FARP2: variants seen among roughly 807,000 people sequenced by gnomAD.
The protein encoded by FARP2 is FERM, ARHGEF and pleckstrin domain-containing protein 2.
FARP2 carries 111 observed loss-of-function variants against 130.5 expected under a neutral mutation model. The observed-to-expected ratio is 0.85, with a 90% CI of 0.73 to 1.00. FARP2 has a LOEUF of 1.00. Ranked by LOEUF, FARP2 falls within the 50% of genes least tolerant of loss-of-function variation. The probability of loss-of-function intolerance (pLI) is 0.00; values close to 1 mark genes in which losing one functional copy is unlikely to be tolerated. For synonymous variants in FARP2, 504 were observed against 516.9 expected (o/e 0.98, Z 0.34); for missense variants, 1,385 against 1,346.3 (o/e 1.03, Z -0.45).
chr2:241,458,062 G>T (rs1415468382), intron 14 of FARP2, among the ~76,000 whole-genome samples: 1 of 152,176 alleles, frequency 6.6e-6, no homozygotes, highest in Admixed American at 6.5e-5. Flanking sequence ...CTGCTGGCAG[G>T]CACAGGGCAA....
intron 18 of FARP2, chr2:241,471,234 C>G (rs547015953): frequency 6.7e-6 from 1 of 149,712 alleles, no homozygotes; most frequent in East Asian, 2.0e-4. Context: ...GGACCCTGTT[C>G]CGAGTGGGAT....
At chr2:241,481,234 AT>A (rs1024248630) in intron 19 of FARP2, among the ~76,000 whole-genome samples, 3 of 152,196 alleles carry the variant, frequency 2.0e-5, no homozygotes, top group Non-Finnish European at 4.4e-5. Context: ...AAACAAAAAA[AT>A]AAATGGACTG....
rs971123663 is a variant in FARP2 at position 241,396,718 on chromosome 2, G to A, written c.184-7110G>A. 6.4e-4 allele frequency among the ~76,000 whole-genome samples: 98 copies of A among 152,238 alleles called. 1 individual carries two copies. The highest frequency in any genetic ancestry group is 3.4e-3 in the Middle Eastern group (1 of 294). On this transcript the variant is annotated intron_variant, in intron 2 of 26. Transcript: ENST00000264042. ...GGAGAGGATGTGGAGAAATAGGAAC[G>A]CTTTTACACTGTTGGTGGGACTGTA...
chr2:241,490,502 C>T (rs1312441011), intron 22 of FARP2, among the ~76,000 whole-genome samples: 1 of 152,218 alleles, frequency 6.6e-6, no homozygotes, highest in African/African-American at 2.4e-5. Flanking sequence ...CATGAGGCAG[C>T]CCAGGCTATG....
At chr2:241,466,630 C>A (rs2064176534) in intron 17 of FARP2, 1 of 984,524 alleles carries the variant, frequency 1.0e-6, no homozygotes, top group African/African-American at 1.7e-5. Context: ...CCCACCTGGC[C>A]CTCACCACCC....
intron 1 of FARP2, among the ~76,000 whole-genome samples, chr2:241,366,042 C>T (rs1234799065): frequency 7.2e-5 from 9 of 125,400 alleles, no homozygotes; most frequent in Non-Finnish European, 1.4e-4. Context: ...ATCACTTGAG[C>T]CTGAGAGTTC....
At chr2:241,434,877 G>C in intron 10 of FARP2, 85 bp from the exon 11 acceptor site, 2 of 827,668 alleles carry the variant, frequency 2.4e-6, no homozygotes, top group East Asian at 5.0e-5. Context: ...AGAGAGGATG[G>C]GTAAATCTTT....
intron 18 of FARP2, among the ~76,000 whole-genome samples, chr2:241,471,932 A>AACCC (rs1574891375): frequency 2.9e-3 from 167 of 57,394 alleles, no homozygotes; most frequent in Admixed American, 4.8e-3. Flanking sequence ...TGAGGGGATT[A>AACCC]TGTTCTGTGG....
At chr2:241,402,308 T>C (rs547490344) in intron 2 of FARP2, among the ~76,000 whole-genome samples, 1 of 152,340 alleles carries the variant, frequency 6.6e-6, no homozygotes, top group East Asian at 1.9e-4. Context: ...CACACCAATA[T>C]TGGCATCATC....
At chr2:241,490,476 G>A (rs989316267) in intron 22 of FARP2, among the ~76,000 whole-genome samples, 1 of 152,218 alleles carries the variant, frequency 6.6e-6, no homozygotes, top group African/African-American at 2.4e-5. Context: ...CCCAGTCCCA[G>A]TGTGGTATAG....
chr2:241,494,326 T>C lies in FARP2; in HGVS notation c.*201T>C, dbSNP rs918694013. On this transcript the variant is annotated 3_prime_UTR_variant, in exon 27 of 27. Coordinates refer to ENST00000264042, the MANE Select transcript of FARP2 (RefSeq NM_014808.4). The surrounding 1 kb of genome is among the most constrained non-coding windows in gnomAD (Gnocchi z 4.9). ...CCAGGACCTAGTGCATGCCAGCAGC[T>C]ATCTGGGGCCCTGGGAAAAATGTGC... The C allele has an allele frequency of 1.2e-4, 47 of 390,858 alleles. No individual in the cohort carries two copies. Among genetic ancestry groups the C allele is most frequent in the Non-Finnish European group, 2.0e-4 (43 of 214,208 alleles). The allele number at this position is 390,858 out of a possible 1,614,324, so 24.2% of individuals were successfully genotyped here.
At chr2:241,448,739 GA>G (rs1210557587) in intron 13 of FARP2, among the ~76,000 whole-genome samples, 5 of 152,348 alleles carry the variant, frequency 3.3e-5, no homozygotes, top group Non-Finnish European at 2.9e-5. Context: ...AAGAAACAAA[GA>G]TTATTGGGAG....
intron 17 of FARP2, among the ~76,000 whole-genome samples, chr2:241,467,034 C>T (rs755148828): frequency 1.5e-4 from 23 of 149,140 alleles, no homozygotes; most frequent in Non-Finnish European, 3.3e-4. Context: ...GCAGGTGGAT[C>T]GCTTGAGTCC....
At chr2:241,380,211 A>G (rs2061629107) in intron 2 of FARP2, among the ~76,000 whole-genome samples, 1 of 152,212 alleles carries the variant, frequency 6.6e-6, no homozygotes, top group Non-Finnish European at 1.5e-5. Context: ...GGATCGCAGC[A>G]GAGGGTTGTG....
At chr2:241,483,897 G>A (rs2064688509) in intron 20 of FARP2, 5 of 985,348 alleles carry the variant, frequency 5.1e-6, no homozygotes, top group Admixed American at 6.1e-5. Context: ...TGGCTCAGAA[G>A]CCCCTCCCAG....
At position 241,453,768 on chromosome 2, in the gene FARP2, G is replaced by GTTTT. The variant is rs1559786201; in HGVS notation, c.1412-2979_1412-2978insTTTT. 1.0e-4 allele frequency among the ~76,000 whole-genome samples: 10 copies of GTTTT among 99,882 alleles called. 3 individuals are homozygous for GTTTT. The highest frequency in any genetic ancestry group is 3.7e-4 in the East Asian group (1 of 2,680). The allele number at this position is 99,882 out of a possible 152,430, so 65.5% of individuals were successfully genotyped here. On this transcript the variant is annotated intron_variant, in intron 13 of 26. Coordinates refer to ENST00000264042, the MANE Select transcript of FARP2 (RefSeq NM_014808.4). Reference sequence around the variant, plus strand: ...TTGTTTACTGGGAGTGGCACTTACTGGTTTTTTTTTTTTTTTTTTTTTTTT... The same window carrying GTTTT: ...TTGTTTACTGGGAGTGGCACTTACTGTTTTGTTTTTTTTTTTTTTTTTTTTTTTT...
At position 241,442,347 on chromosome 2, in the gene FARP2, G is replaced by A. The variant is rs758540890; in HGVS notation, c.1411+791G>A. Reference sequence around the variant, plus strand: ...TAGAGCAGCTCAGCTACCCACCCACGACGGCCGAGGACTCCAGCAGCACAG... The same window carrying A: ...TAGAGCAGCTCAGCTACCCACCCACAACGGCCGAGGACTCCAGCAGCACAG... On this transcript the variant is annotated intron_variant, in intron 13 of 26. Coordinates refer to ENST00000264042, the MANE Select transcript of FARP2 (RefSeq NM_014808.4). The A allele has an allele frequency of 2.2e-5, 10 of 456,620 alleles. 1 individual carries two copies. Among genetic ancestry groups the A allele is most frequent in the South Asian group, 1.2e-4 (8 of 64,558 alleles). 28.3% of individuals were successfully genotyped at this position (456,620 alleles called of 1,614,324 possible). A position where few individuals can be genotyped will look rare whatever the true frequency, so the allele number is the denominator to read the frequency against.
chr2:241,480,508 A>T (rs1398250773), intron 19 of FARP2, among the ~76,000 whole-genome samples: 1 of 149,196 alleles, frequency 6.7e-6, no homozygotes, highest in Non-Finnish European at 1.5e-5. Flanking sequence ...TTTGACCTTG[A>T]TACAATAGAT....
chr2:241,401,757 A>G (rs2062171590), intron 2 of FARP2, among the ~76,000 whole-genome samples: 1 of 151,658 alleles, frequency 6.6e-6, no homozygotes, highest in Non-Finnish European at 1.5e-5. Flanking sequence ...ATAGTTGTCC[A>G]TTATGGATAT....
Sources: gnomAD v4.1 joint callset for allele counts (sites outside exome capture counted in the v4.1 genomes callset) on GRCh38, gnomAD v4.1.1 for gene constraint, Gnocchi (gnomAD v3.1) non-coding constraint, MANE v1.5 for transcripts, NCBI Gene and HGNC (gene_info 2026-07-23, HGNC 2026-07-21) for gene names.